The following RBFOX1 variants were observed in gnomAD, a reference collection of about 807,000 sequenced individuals.
RBFOX1 encodes the protein RNA binding fox-1 homolog 1.
In RBFOX1, 8 loss-of-function variants were observed where a neutral mutation model predicts 57.7. The ratio of observed to expected loss-of-function variants is 0.14; its 90% CI spans 0.08 to 0.25. The LOEUF (loss-of-function observed/expected upper bound fraction) is 0.25. Among genes scored for constraint, RBFOX1 ranks in the 10% least tolerant of loss-of-function variants. The pLI is 1.00. For synonymous variants in RBFOX1, 326 were observed against 222.4 expected (o/e 1.47, Z -4.15); for missense variants, 611 against 548.5 (o/e 1.11, Z -1.14).
At position 5,908,095 on chromosome 16, in the gene RBFOX1, T is replaced by TATATATATATATAC. The variant is rs1567133450; in HGVS notation, c.351+40761_351+40762insTATATATATATACA. Among the ~76,000 whole-genome samples, 11 of 139,882 alleles carry TATATATATATATAC rather than the reference T, an allele frequency of 7.9e-5. 1 individual carries two copies. The highest frequency in any genetic ancestry group is 3.3e-4 in the African/African-American group (11 of 33,186). 91.8% of individuals were successfully genotyped at this position (139,882 alleles called of 152,430 possible). A position where few individuals can be genotyped will look rare whatever the true frequency, so the allele number is the denominator to read the frequency against. On this transcript the variant is annotated intron_variant, in intron 4 of 19. Transcript: ENST00000641259. ...GTATATATATATATATACACATATA[T>TATATATATATATAC]ACACATATATATATACACATATATA...
rs375487735 is a variant in RBFOX1, at chr16:6,808,491, A to G, written c.-16+153841A>G. Among the ~76,000 whole-genome samples the G allele has an allele frequency of 4.6e-5, 7 of 152,210 alleles. No individual in the cohort carries two copies. The South Asian group carries it at 1.2e-3, about 27-fold the overall frequency. On this transcript the variant is annotated intron_variant, in intron 3 of 15. Coordinates refer to ENST00000550418, the MANE Select transcript of RBFOX1 (RefSeq NM_018723.4). ...TCCCCAGTGAATAGCTCTCAGATGGAAAATAAAACAGCACCATTACTCTCT... is the reference window on the plus strand; with the variant it reads ...TCCCCAGTGAATAGCTCTCAGATGGGAAATAAAACAGCACCATTACTCTCT...
intron 1 of RBFOX1, among the ~76,000 whole-genome samples, chr16:5,277,409 A>T (rs1192151187): frequency 6.6e-6 from 1 of 152,198 alleles, no homozygotes; most frequent in Non-Finnish European, 1.5e-5. Flanking sequence ...GAACTTATCC[A>T]TGTAACAAAA....
chr16:5,919,533 G>A (rs2058774635), intron 4 of RBFOX1, among the ~76,000 whole-genome samples: 1 of 152,016 alleles, frequency 6.6e-6, no homozygotes, highest in South Asian at 2.1e-4. Context: ...TAGTAGAGAC[G>A]GGGTTTCCCC....
intron 2 of RBFOX1, among the ~76,000 whole-genome samples, chr16:6,414,888 T>C (rs2093577529): frequency 6.6e-6 from 1 of 152,230 alleles, no homozygotes; most frequent in South Asian, 2.1e-4. Context: ...TAGTCAGACA[T>C]CCTGCAAGGC....
chr16:6,889,678 C>T (rs1197669971), intron 3 of RBFOX1, among the ~76,000 whole-genome samples: 1 of 152,202 alleles, frequency 6.6e-6, no homozygotes, highest in Non-Finnish European at 1.5e-5. Context: ...TGTAGTCCAG[C>T]ACCTAATGGT....
intron 4 of RBFOX1, among the ~76,000 whole-genome samples, chr16:7,184,820 G>C (rs1404360146): frequency 6.6e-6 from 1 of 152,142 alleles, no homozygotes; most frequent in African/African-American, 2.4e-5. Flanking sequence ...GAACTTTAGA[G>C]GAGATCCTTG....
At chr16:6,111,160 A>G (rs2096442366) in intron 1 of RBFOX1, among the ~76,000 whole-genome samples, 1 of 152,172 alleles carries the variant, frequency 6.6e-6, no homozygotes, top group African/African-American at 2.4e-5. Context: ...TGGCAATACA[A>G]GAATGATATT....
At chr16:6,391,872 C>T (rs1294086832) in intron 2 of RBFOX1, among the ~76,000 whole-genome samples, 1 of 152,200 alleles carries the variant, frequency 6.6e-6, no homozygotes, top group Non-Finnish European at 1.5e-5. Flanking sequence ...GCACTCATTA[C>T]AGTGTGCTCT....
chr16:7,025,045 C>G (rs1270322900), intron 3 of RBFOX1, among the ~76,000 whole-genome samples: 1 of 152,060 alleles, frequency 6.6e-6, no homozygotes, highest in East Asian at 1.9e-4. Flanking sequence ...TCAGATCTCC[C>G]GCAAGACAAG....
chr16:6,145,976 A>T (rs1012034866), intron 1 of RBFOX1, among the ~76,000 whole-genome samples: 4 of 152,112 alleles, frequency 2.6e-5, no homozygotes, highest in Admixed American at 1.3e-4. Context: ...CTCCTTTGTG[A>T]CCAAAGGCAT....
chr16:5,577,511 C>T (rs571497084), intron 2 of RBFOX1, among the ~76,000 whole-genome samples: 1 of 152,298 alleles, frequency 6.6e-6, no homozygotes, highest in African/African-American at 2.4e-5. Context: ...TCATCCTTAT[C>T]CCCAGAATGA....
chr16:6,420,080 C>CA (rs1463519905), intron 2 of RBFOX1, among the ~76,000 whole-genome samples: 1 of 152,154 alleles, frequency 6.6e-6, no homozygotes, highest in Non-Finnish European at 1.5e-5. Flanking sequence ...TTGCAGCTAA[C>CA]AATGATTTTA....
At chr16:7,051,960 T>C (rs1407900014) in intron 3 of RBFOX1, 97 bp from the exon 4 acceptor site, 45 of 1,524,914 alleles carry the variant, frequency 3.0e-5, no homozygotes, top group Non-Finnish European at 2.7e-6. Context: ...ATGGGTTTTC[T>C]TTGAGCTGAG....
At chr16:7,299,814 G>C (rs78095880) in intron 4 of RBFOX1, among the ~76,000 whole-genome samples, 340 of 152,314 alleles carry the variant, frequency 2.2e-3, no homozygotes, top group African/African-American at 7.1e-3. Flanking sequence ...CAGAATTCAT[G>C]TAGACATGCT....
chr16:6,847,567 T>G (rs940224261), intron 3 of RBFOX1, among the ~76,000 whole-genome samples: 1 of 151,860 alleles, frequency 6.6e-6, no homozygotes, highest in African/African-American at 2.4e-5. Context: ...GTGTGGTCCA[T>G]GGTCAGTCGC....
chr16:7,256,314 C>T (rs1603450606), intron 4 of RBFOX1, among the ~76,000 whole-genome samples: 1 of 152,088 alleles, frequency 6.6e-6, no homozygotes, highest in African/African-American at 2.4e-5. Flanking sequence ...CCACAGTCAG[C>T]GAGCAGATCT....
chr16:5,553,669 CTATA>C (rs1567223474), intron 2 of RBFOX1, among the ~76,000 whole-genome samples: 1 of 139,880 alleles, frequency 7.1e-6, no homozygotes, highest in Admixed American at 7.0e-5. Context: ...ATAGAATGTT[CTATA>C]TATGTGTGTA....
intron 4 of RBFOX1, among the ~76,000 whole-genome samples, chr16:7,411,984 C>A (rs1339578701): frequency 6.6e-6 from 1 of 151,344 alleles, no homozygotes; most frequent in African/African-American, 2.4e-5. Context: ...CACGGCCGCC[C>A]AGATGCCATG....
At chr16:7,558,926 A>G (rs2089575365) in intron 5 of RBFOX1, among the ~76,000 whole-genome samples, 1 of 152,246 alleles carries the variant, frequency 6.6e-6, no homozygotes, top group Non-Finnish European at 1.5e-5. Context: ...TTTATGCTAA[A>G]TGAACCCCAC....
Sources: allele counts gnomAD v4.1 joint callset (sites outside exome capture counted in the v4.1 genomes callset), GRCh38; gene constraint gnomAD v4.1.1; transcripts MANE v1.5; gene names NCBI Gene and HGNC (gene_info 2026-07-23, HGNC 2026-07-21).